RPTOR: variants seen among roughly 807,000 people sequenced by gnomAD.
RPTOR encodes regulatory associated protein of MTOR complex 1.
A neutral mutation model predicts 169.9 loss-of-function variants in RPTOR; 21 were observed. That is an observed-to-expected ratio of 0.12 (90% confidence interval 0.09 to 0.18). The LOEUF is 0.18. RPTOR is among the 10% of genes least tolerant of loss of function. The pLI, the probability that RPTOR is intolerant of heterozygous loss-of-function variation, is 1.00. For synonymous variants in RPTOR, 732 were observed against 753.2 expected, an observed-to-expected ratio of 0.97 and a Z score of 0.46; for missense variants, 1,133 against 1,855.9, an observed-to-expected ratio of 0.61 and a Z score of 7.16.
intron 6 of RPTOR, among the ~76,000 whole-genome samples, chr17:80,759,789 A>G (rs1396571299): frequency 1.3e-5 from 2 of 152,202 alleles, no homozygotes; most frequent in African/African-American, 4.8e-5. Context: ...TCTAATTAAA[A>G]ATGAAAGATA....
At chr17:80,914,788 T>C (rs561352458) in intron 21 of RPTOR, among the ~76,000 whole-genome samples, 2 of 152,308 alleles carry the variant, frequency 1.3e-5, no homozygotes, top group East Asian at 1.9e-4. Flanking sequence ...CTCGGCACAA[T>C]CAGCCTGGGT....
At chr17:80,917,776 C>G (rs1261138536) in intron 21 of RPTOR, among the ~76,000 whole-genome samples, 1 of 152,192 alleles carries the variant, frequency 6.6e-6, no homozygotes, top group Non-Finnish European at 1.5e-5. Context: ...AACTGCACCT[C>G]TCTGAAGCCA....
At chr17:80,906,917 G>C (rs1351817867) in intron 20 of RPTOR, among the ~76,000 whole-genome samples, 1 of 152,158 alleles carries the variant, frequency 6.6e-6, no homozygotes, top group Admixed American at 6.5e-5. Flanking sequence ...ACTCACGGTG[G>C]GGGCGCGCAC....
At chr17:80,946,613 C>G (rs890405238) in intron 26 of RPTOR, among the ~76,000 whole-genome samples, 1 of 152,282 alleles carries the variant, frequency 6.6e-6, no homozygotes. Context: ...CGGCTCAGCG[C>G]AGTGTCTTTA....
intron 1 of RPTOR, among the ~76,000 whole-genome samples, chr17:80,573,530 A>C (rs1410200439): frequency 6.6e-6 from 1 of 152,188 alleles, no homozygotes; most frequent in African/African-American, 2.4e-5. Flanking sequence ...CTGTCCTAAG[A>C]GGCAACTTTA....
chr17:80,833,964 A>C (rs1231741857), intron 9 of RPTOR, among the ~76,000 whole-genome samples: 1 of 152,264 alleles, frequency 6.6e-6, no homozygotes. Context: ...GCTCCAGCAT[A>C]GGTGACAGAG....
chr17:80,586,907 C>T (rs775228709), intron 1 of RPTOR, among the ~76,000 whole-genome samples: 3 of 152,202 alleles, frequency 2.0e-5, no homozygotes, highest in South Asian at 2.1e-4. Context: ...TTCACGGGCT[C>T]GCTGGCAAGC....
intron 1 of RPTOR, among the ~76,000 whole-genome samples, chr17:80,607,830 C>T (rs535165717): frequency 6.6e-5 from 10 of 151,808 alleles, no homozygotes; most frequent in Non-Finnish European, 1.3e-4. Flanking sequence ...AATTAAACCC[C>T]GTACTGAAGG....
At chr17:80,829,980 C>G (rs1364466826) in intron 9 of RPTOR, among the ~76,000 whole-genome samples, 1 of 152,126 alleles carries the variant, frequency 6.6e-6, no homozygotes, top group Non-Finnish European at 1.5e-5. Flanking sequence ...AAACACGAGT[C>G]AGTTCCATTT....
intron 1 of RPTOR, among the ~76,000 whole-genome samples, chr17:80,568,375 C>T (rs561803819): frequency 1.3e-5 from 2 of 152,282 alleles, no homozygotes; most frequent in Admixed American, 6.5e-5. Flanking sequence ...CACCTTTATG[C>T]TCCTAGCACT....
chr17:80,961,731 G>C, intron 31 of RPTOR: 1 of 469,446 alleles, frequency 2.1e-6, no homozygotes, highest in South Asian at 3.0e-5. Flanking sequence ...CAACTGCGGA[G>C]GGTTCCGGGG....
At chr17:80,828,071 G>A (rs1238877641) in intron 9 of RPTOR, among the ~76,000 whole-genome samples, 4 of 152,312 alleles carry the variant, frequency 2.6e-5, no homozygotes, top group East Asian at 3.9e-4. Flanking sequence ...GGACAGGAGT[G>A]CACCCAGGCA....
At chr17:80,759,021 G>A (rs564166099) in intron 6 of RPTOR, among the ~76,000 whole-genome samples, 2 of 151,722 alleles carry the variant, frequency 1.3e-5, no homozygotes, top group South Asian at 4.2e-4. Flanking sequence ...TGCCATGAGT[G>A]GGAAGGACTT....
In RPTOR at chr17:80,878,123, A is replaced by G. The variant is rs1301104502; in HGVS notation, c.1510-2292A>G. 2.6e-5 allele frequency among the ~76,000 whole-genome samples: 4 copies of G among 152,152 alleles called. No homozygotes were observed. Among genetic ancestry groups the G allele is most frequent in the African/African-American group, 7.2e-5 (3 of 41,428 alleles). ...TAAAATTCCGGCCCTCTGTCCTTGC[A>G]TGGCCTTCGTCCTCTGGAAAGGAGC... On this transcript the variant is annotated intron_variant, in intron 13 of 33. Coordinates refer to ENST00000306801, the MANE Select transcript of RPTOR (RefSeq NM_020761.3). This position sits in a 1 kb window ranked among gnomAD's most constrained non-coding sequence, Gnocchi z 4.1.
At chr17:80,587,661 C>T (rs2065072650) in intron 1 of RPTOR, among the ~76,000 whole-genome samples, 1 of 151,920 alleles carries the variant, frequency 6.6e-6, no homozygotes, top group South Asian at 2.1e-4. Context: ...CCCCTGGCCC[C>T]GACTTTGAAA....
chr17:80,759,727 CG>C (rs1567897439), intron 6 of RPTOR, among the ~76,000 whole-genome samples: 3 of 151,100 alleles, frequency 2.0e-5, no homozygotes, highest in African/African-American at 7.3e-5. Flanking sequence ...ACAGTAATTA[CG>C]TATGTTTTTA....
At position 80,920,720 on chromosome 17, in the gene RPTOR, G is replaced by A. The variant is rs540320208; in HGVS notation, c.2521-2004G>A. On this transcript the variant is annotated intron_variant, in intron 21 of 33. Transcript: ENST00000306801. ...GCCTGAGCCTTTGTGCTCCGTGAGC[G>A]TCTGAGCATGTGTGGGTTTTGCTAA... Among the ~76,000 whole-genome samples, 208 of 152,372 alleles carry A rather than the reference G, an allele frequency of 1.4e-3. 1 individual carries two copies. Among genetic ancestry groups the A allele is most frequent in the African/African-American group, 4.5e-3 (186 of 41,582 alleles).
In RPTOR at chr17:80,624,462, A is replaced by C. The variant is rs543838202; in HGVS notation, c.163-1229A>C. 2.0e-5 allele frequency among the ~76,000 whole-genome samples: 3 copies of C among 152,374 alleles called. No individual in the cohort carries two copies. In the East Asian group the frequency reaches 5.8e-4, roughly 29 times the overall value. ...TGAATATAAATAGCTAAGTAAAATTAAAATTTGAGGGTGAAAAATGACCCT... is the reference window on the plus strand; with the variant it reads ...TGAATATAAATAGCTAAGTAAAATTCAAATTTGAGGGTGAAAAATGACCCT... On this transcript the variant is annotated intron_variant, in intron 1 of 33. Coordinates refer to ENST00000306801, the MANE Select transcript of RPTOR (RefSeq NM_020761.3).
chr17:80,962,697 C>T, intron 32 of RPTOR, 120 bp downstream of exon 32: 2 of 1,097,464 alleles, frequency 1.8e-6, no homozygotes, highest in South Asian at 1.5e-5. Context: ...GATTTCACTG[C>T]TGTGGGGACA....
Sources: gnomAD v4.1 joint callset for allele counts (sites outside exome capture counted in the v4.1 genomes callset) on GRCh38, gnomAD v4.1.1 for gene constraint, Gnocchi (gnomAD v3.1) non-coding constraint, MANE v1.5 for transcripts, NCBI Gene and HGNC (gene_info 2026-07-23, HGNC 2026-07-21) for gene names.